FHIT: variants seen among roughly 807,000 people sequenced by gnomAD.
The protein encoded by FHIT is bis(5'-adenosyl)-triphosphatase.
Under a neutral mutation model 17.9 loss-of-function variants are expected in FHIT, and 19 were observed. The ratio of observed to expected loss-of-function variants is 1.06; its 90% CI spans 0.74 to 1.56. FHIT has a LOEUF of 1.56. Ranked by LOEUF, FHIT falls within the 40% of genes most tolerant of loss-of-function variation. The pLI is 0.00. For synonymous variants in FHIT, 81 were observed against 69.7 expected (o/e 1.16, Z -0.81); for missense variants, 248 against 189.2 (o/e 1.31, Z -1.82).
intron 4 of FHIT, among the ~76,000 whole-genome samples, chr3:60,656,680 A>G (rs1308020700): frequency 1.3e-5 from 2 of 152,172 alleles, no homozygotes; most frequent in Non-Finnish European, 2.9e-5. Context: ...TTCTCTAAAC[A>G]AGATGCTTGT....
chr3:60,823,200 C>T (rs4974234), intron 3 of FHIT, among the ~76,000 whole-genome samples: 53,853 of 151,946 alleles, frequency 0.35, 10,605 homozygotes, highest in East Asian at 0.72. Flanking sequence ...AAACAAAATA[C>T]ATATGTAAAA....
At chr3:60,078,708 G>A (rs1173037273) in intron 5 of FHIT, among the ~76,000 whole-genome samples, 1 of 152,022 alleles carries the variant, frequency 6.6e-6, no homozygotes. Context: ...CACTAAAGGA[G>A]CAAAGAGGCA....
intron 7 of FHIT, among the ~76,000 whole-genome samples, chr3:59,999,976 T>C (rs1699665030): frequency 6.6e-6 from 1 of 152,166 alleles, no homozygotes; most frequent in South Asian, 2.1e-4. Context: ...AATCCAATAA[T>C]GTCACCTAGT....
intron 3 of FHIT, among the ~76,000 whole-genome samples, chr3:60,995,519 A>C (rs1441186141): frequency 6.6e-6 from 1 of 152,086 alleles, no homozygotes; most frequent in Non-Finnish European, 1.5e-5. Flanking sequence ...TGCTGTAGGA[A>C]CACAGTTGCT....
At chr3:60,610,914 C>T (rs2038766502) in intron 4 of FHIT, among the ~76,000 whole-genome samples, 1 of 152,136 alleles carries the variant, frequency 6.6e-6, no homozygotes, top group Non-Finnish European at 1.5e-5. Context: ...TGGCTCCAGT[C>T]CCAGCTTTTA....
chr3:60,548,750 G>A (rs184703113), intron 4 of FHIT, among the ~76,000 whole-genome samples: 16 of 152,286 alleles, frequency 1.1e-4, no homozygotes, highest in African/African-American at 3.4e-4. Flanking sequence ...TAGGCTGTTT[G>A]TACATTAACG....
At chr3:60,775,324 C>T (rs1182166635) in intron 4 of FHIT, among the ~76,000 whole-genome samples, 1 of 152,052 alleles carries the variant, frequency 6.6e-6, no homozygotes, top group Admixed American at 6.6e-5. Flanking sequence ...AGGAGGGGTC[C>T]CCAGAAGACC....
chr3:61,211,720 C>A (rs1282685725), intron 1 of FHIT, among the ~76,000 whole-genome samples: 1 of 152,238 alleles, frequency 6.6e-6, no homozygotes, highest in Non-Finnish European at 1.5e-5. Context: ...GGTCCCTGAC[C>A]CCTGACCCCC....
intron 5 of FHIT, among the ~76,000 whole-genome samples, chr3:60,304,691 C>A (rs1344562779): frequency 6.6e-6 from 1 of 152,018 alleles, no homozygotes; most frequent in African/African-American, 2.4e-5. Context: ...TTATTCTAAA[C>A]TGTTTTTTAC....
intron 2 of FHIT, among the ~76,000 whole-genome samples, chr3:61,050,184 G>T (rs1284202086): frequency 6.6e-6 from 1 of 152,100 alleles, no homozygotes; most frequent in Non-Finnish European, 1.5e-5. Flanking sequence ...TGTTATAGCG[G>T]CTTCCATCAT....
intron 5 of FHIT, among the ~76,000 whole-genome samples, chr3:60,175,394 C>G (rs1164531388): frequency 6.6e-5 from 10 of 152,094 alleles, no homozygotes; most frequent in African/African-American, 2.4e-4. Context: ...GTGAATCTGT[C>G]CTACAGGGTA....
At chr3:60,631,273 G>T (rs1323366815) in intron 4 of FHIT, among the ~76,000 whole-genome samples, 1 of 152,166 alleles carries the variant, frequency 6.6e-6, no homozygotes, top group Non-Finnish European at 1.5e-5. Flanking sequence ...GGTTGTACTA[G>T]GCTGGGGAAG....
At chr3:59,917,453 G>A (rs1705186075) in intron 8 of FHIT, among the ~76,000 whole-genome samples, 1 of 152,142 alleles carries the variant, frequency 6.6e-6, no homozygotes, top group African/African-American at 2.4e-5. Flanking sequence ...GGCCATGGGT[G>A]TTTCCTCCCC....
At chr3:60,063,458 C>A (rs1702374734) in intron 5 of FHIT, among the ~76,000 whole-genome samples, 1 of 152,166 alleles carries the variant, frequency 6.6e-6, no homozygotes, top group African/African-American at 2.4e-5. Flanking sequence ...ACTGACTTAT[C>A]CATGTTTACC....
At chr3:60,212,643 G>C (rs1348988854) in intron 5 of FHIT, among the ~76,000 whole-genome samples, 1 of 151,962 alleles carries the variant, frequency 6.6e-6, no homozygotes, top group African/African-American at 2.4e-5. Flanking sequence ...GAATTAGTAA[G>C]ATAAGAAAAA....
chr3:61,178,964 T>C (rs1016986923), intron 2 of FHIT, among the ~76,000 whole-genome samples: 4 of 138,722 alleles, frequency 2.9e-5, no homozygotes, highest in African/African-American at 6.1e-5. Context: ...CACCACGTGA[T>C]TTTGTTTGAC....
At chr3:60,065,803 A>G (rs913959057) in intron 5 of FHIT, among the ~76,000 whole-genome samples, 3 of 152,056 alleles carry the variant, frequency 2.0e-5, no homozygotes, top group African/African-American at 7.2e-5. Flanking sequence ...CTCTCAGACC[A>G]TCTTGAAGCC....
At chr3:60,904,640 T>C (rs1361063667) in intron 3 of FHIT, among the ~76,000 whole-genome samples, 1 of 152,074 alleles carries the variant, frequency 6.6e-6, no homozygotes, top group Admixed American at 6.6e-5. Flanking sequence ...ATCACCCTAA[T>C]ATATATTTTA....
intron 5 of FHIT, among the ~76,000 whole-genome samples, chr3:60,486,467 C>T (rs929847234): frequency 2.0e-5 from 3 of 152,104 alleles, no homozygotes; most frequent in Non-Finnish European, 2.9e-5. Context: ...TAACATCAAA[C>T]ATTAATCAGT....
Sources: gnomAD v4.1 joint callset for allele counts (sites outside exome capture counted in the v4.1 genomes callset) on GRCh38, gnomAD v4.1.1 for gene constraint, MANE v1.5 for transcripts, NCBI Gene and HGNC (gene_info 2026-07-23, HGNC 2026-07-21) for gene names.